Variants in MORC1 observed in about 807,000 individuals in gnomAD.
MORC1 encodes MORC family CW-type zinc finger protein 1.
MORC1 carries 59 observed loss-of-function variants against 134.9 expected under a neutral mutation model. The observed-to-expected ratio is 0.44, with a 90% CI of 0.35 to 0.54. The LOEUF (loss-of-function observed/expected upper bound fraction) is 0.54, where lower values mean the gene tolerates loss of function less well. Among genes scored for constraint, MORC1 ranks in the 20% least tolerant of loss-of-function variants. The pLI is 0.00. For synonymous variants in MORC1, 395 were observed against 391.7 expected, an observed-to-expected ratio of 1.01 and a Z score of -0.10; for missense variants, 947 against 1,134.5, an observed-to-expected ratio of 0.83 and a Z score of 2.37.
chr3:109,090,712 T>C (rs1950703627), intron 8 of MORC1, among the ~76,000 whole-genome samples: 1 of 149,454 alleles, frequency 6.7e-6, no homozygotes, highest in Non-Finnish European at 1.5e-5. Context: ...CTGAGGCCAA[T>C]ACGGCTTGAA....
chr3:108,967,079 G>A (rs1184510012), intron 26 of MORC1, among the ~76,000 whole-genome samples: 1 of 152,060 alleles, frequency 6.6e-6, no homozygotes, highest in Non-Finnish European at 1.5e-5. Flanking sequence ...TCTGTGTTTT[G>A]CTTACAAGAT....
Position 109,093,545 on chromosome 3 carries a change from G to A in MORC1, c.584-4C>T, listed in dbSNP as rs1426903726. ...TTATAAATAACCAGCAAAGTACCTG[G>A]TAGAAAAATAGATGTTTGACTTGTC... On this transcript the variant is annotated splice_region_variant and splice_polypyrimidine_tract_variant and intron_variant, in intron 7 of 27. Transcript: ENST00000232603. The A allele has an allele frequency of 4.4e-6, 7 of 1,592,608 alleles. No homozygotes were observed. The South Asian group carries it at 7.7e-5, about 18-fold the overall frequency.
At chr3:109,014,024 A>G (rs906481354) in intron 17 of MORC1, among the ~76,000 whole-genome samples, 1 of 152,224 alleles carries the variant, frequency 6.6e-6, no homozygotes, top group Non-Finnish European at 1.5e-5. Flanking sequence ...TTTTCTTTAT[A>G]AATTACCCAA....
intron 8 of MORC1, among the ~76,000 whole-genome samples, chr3:109,081,797 C>G (rs1317999122): frequency 6.6e-6 from 1 of 152,134 alleles, no homozygotes; most frequent in East Asian, 1.9e-4. Context: ...CCCCAATCTG[C>G]CCATCTTCTA....
Position 109,093,515 on chromosome 3 carries a change from T to G in MORC1, c.610A>C (p.Lys204Gln), listed in dbSNP as rs1950768599. Residue 204 changes from lysine to glutamine, a missense_variant, in exon 8 of 28, where the codon AAG becomes CAG. Physicochemically the swap from Lys to Gln is moderately conservative, Grantham distance 53. Transcript: ENST00000232603. The stretch of plus-strand genomic sequence containing the variant: ...TCTGGTTCTCCATTAAGCAGAAGCT[T>G]CAAGTTATAAATAACCAGCAAAGTA... Reference protein sequence around the residue: ...CGTLLVIYNLKLLLNGEPELD... With the variant: ...CGTLLVIYNLQLLLNGEPELD... 1 of 1,613,658 alleles carries G rather than the reference T, an allele frequency of 6.2e-7. No homozygotes were observed.
At chr3:108,983,133 T>G (rs974898538) in intron 23 of MORC1, among the ~76,000 whole-genome samples, 1 of 152,312 alleles carries the variant, frequency 6.6e-6, no homozygotes, top group Non-Finnish European at 1.5e-5. Flanking sequence ...TGGATGATTC[T>G]TAAATTGTAA....
intron 8 of MORC1, among the ~76,000 whole-genome samples, chr3:109,080,418 C>T (rs1429613208): frequency 1.3e-5 from 2 of 152,174 alleles, no homozygotes; most frequent in Non-Finnish European, 2.9e-5. Context: ...GTTCCTCCCA[C>T]AACATATGGG....
chr3:109,084,215 T>C (rs945044625), intron 8 of MORC1, among the ~76,000 whole-genome samples: 1 of 152,114 alleles, frequency 6.6e-6, no homozygotes, highest in South Asian at 2.1e-4. Context: ...AGAAGTCAAA[T>C]TAGCCTTGTT....
chr3:109,107,063 TCAAA>T (rs1162024888), intron 3 of MORC1, among the ~76,000 whole-genome samples: 1 of 152,092 alleles, frequency 6.6e-6, no homozygotes, highest in African/African-American at 2.4e-5. Flanking sequence ...CTTAAACATC[TCAAA>T]CATTTTTTCT....
In MORC1 at chr3:109,054,708, T is replaced by C. The variant is rs1268376494; in HGVS notation, c.1330+20A>G. 6.7e-7 allele frequency: 1 copy of C among 1,502,656 alleles called. No homozygotes were observed. Among genetic ancestry groups the C allele is most frequent in the Middle Eastern group, 1.8e-4 (1 of 5,708 alleles). The allele number at this position is 1,502,656 out of a possible 1,614,324, so 93.1% of individuals were successfully genotyped here. A position where few individuals can be genotyped will look rare whatever the true frequency, so the allele number is the denominator to read the frequency against. ...TAATCCCTCTGTAAGTATCTCCTACTATGACTATTGAATACTCACTGATGC... is the reference window on the plus strand; with the variant it reads ...TAATCCCTCTGTAAGTATCTCCTACCATGACTATTGAATACTCACTGATGC... On this transcript the variant is annotated intron_variant, in intron 14 of 27. Transcript: ENST00000232603.
Position 109,060,676 on chromosome 3 carries a change from G to A in MORC1, c.967-806C>T, listed in dbSNP as rs576865940. On this transcript the variant is annotated intron_variant, in intron 11 of 27. Coordinates refer to ENST00000232603, the MANE Select transcript of MORC1 (RefSeq NM_014429.4). ...TCATCTTCCCATAAGAATTTAAGAC[G>A]TCAAAAGTTCAGGTCATTCTGCTTT... is the stretch of plus-strand genomic sequence containing the variant. Among the ~76,000 whole-genome samples the A allele has an allele frequency of 4.6e-5, 7 of 152,156 alleles. No homozygotes were observed. The South Asian group carries it at 8.3e-4, about 18-fold the overall frequency.
At chr3:109,075,217 A>T (rs1016451108) in intron 8 of MORC1, among the ~76,000 whole-genome samples, 1 of 152,208 alleles carries the variant, frequency 6.6e-6, no homozygotes, top group Non-Finnish European at 1.5e-5. Context: ...TTTTGGAAAA[A>T]TGAAGACATT....
At chr3:108,994,275 C>A (rs192387141) in intron 21 of MORC1, among the ~76,000 whole-genome samples, 101 of 152,138 alleles carry the variant, frequency 6.6e-4, no homozygotes, top group African/African-American at 2.3e-3. Flanking sequence ...CTGACCATCA[C>A]GTGCTTAAAA....
chr3:109,048,983 T>C (rs1467262155), intron 14 of MORC1: 52 of 176,804 alleles, frequency 2.9e-4, no homozygotes, highest in Non-Finnish European at 1.1e-5. Flanking sequence ...AAATATAATA[T>C]TGATAATATT....
At chr3:108,970,943 G>A (rs1353096836) in intron 25 of MORC1, among the ~76,000 whole-genome samples, 1 of 152,190 alleles carries the variant, frequency 6.6e-6, no homozygotes, top group Non-Finnish European at 1.5e-5. Context: ...ATGTCTTGGT[G>A]ATTTCGGTAA....
intron 17 of MORC1, among the ~76,000 whole-genome samples, chr3:109,021,104 G>GAGCAGCC (rs1255208215): frequency 1.3e-5 from 2 of 152,100 alleles, no homozygotes; most frequent in African/African-American, 4.8e-5. Context: ...GGGGAGCAGC[G>GAGCAGCC]AGCAGCCTGC....
chr3:108,996,705 A>G (rs1471039136), intron 21 of MORC1, among the ~76,000 whole-genome samples: 1 of 152,164 alleles, frequency 6.6e-6, no homozygotes, highest in Non-Finnish European at 1.5e-5. Flanking sequence ...CCAAGCACAA[A>G]CTAATATCAA....
At chr3:108,996,308 A>ACACACACAC (rs1553745343) in intron 21 of MORC1, among the ~76,000 whole-genome samples, 1 of 151,222 alleles carries the variant, frequency 6.6e-6, no homozygotes, top group Non-Finnish European at 1.5e-5. Context: ...ACACACACAC[A>ACACACACAC]ACTAGAATTT....
chr3:108,971,116 ATCTG>A (rs1947367412), intron 25 of MORC1, among the ~76,000 whole-genome samples: 1 of 152,166 alleles, frequency 6.6e-6, no homozygotes, highest in Non-Finnish European at 1.5e-5. Flanking sequence ...CTCTGCAACT[ATCTG>A]TCTGTAAGAT....
Sources: allele counts gnomAD v4.1 joint callset (sites outside exome capture counted in the v4.1 genomes callset), GRCh38; gene constraint gnomAD v4.1.1; transcripts MANE v1.5; gene names NCBI Gene and HGNC (gene_info 2026-07-23, HGNC 2026-07-21).